The following MTERF4 variants were observed in gnomAD, a reference collection of about 807,000 sequenced individuals.
The protein encoded by MTERF4 is mitochondrial transcription termination factor 4.
A neutral mutation model predicts 22.5 loss-of-function variants in MTERF4; 17 were observed. The observed-to-expected ratio is 0.75, with a 90% CI of 0.52 to 1.13. MTERF4 has a LOEUF of 1.13. Among genes scored for constraint, MTERF4 ranks in the 50% most tolerant of loss-of-function variants. The pLI, the probability that MTERF4 is intolerant of heterozygous loss-of-function variation, is 0.00. For synonymous variants in MTERF4, 165 were observed against 175.3 expected, an observed-to-expected ratio of 0.94 and a Z score of 0.47; for missense variants, 420 against 466.8, an observed-to-expected ratio of 0.90 and a Z score of 0.92.
At position 241,095,781 on chromosome 2, in the gene MTERF4, C is replaced by T. The variant is rs750108647; in HGVS notation, c.*217G>A. 18 of 793,790 alleles carry T rather than the reference C, an allele frequency of 2.3e-5. No homozygotes were observed. Among genetic ancestry groups the T allele is most frequent in the Non-Finnish European group, 3.3e-5 (17 of 510,566 alleles). 49.2% of individuals were successfully genotyped at this position (793,790 alleles called of 1,614,324 possible). On this transcript the variant is annotated 3_prime_UTR_variant, in exon 4 of 4. Transcript: ENST00000391980. ...ATTCAGGATGGGACAGGGCCCTCCC[C>T]ACAGACACGTGACAACAGATCAAAC... is the stretch of plus-strand genomic sequence containing the variant.
At chr2:241,089,338 C>A (rs1175857781), downstream of MTERF4, 3 of 1,550,632 alleles carry the variant, frequency 1.9e-6, no homozygotes, top group Non-Finnish European at 2.6e-6. Flanking sequence ...CAAGCCACTT[C>A]AAAACAGGTC....
At chr2:241,076,893 C>T (rs1395692177) in intron 4 of MTERF4, among the ~76,000 whole-genome samples, 1 of 152,160 alleles carries the variant, frequency 6.6e-6, no homozygotes, top group East Asian at 1.9e-4. Context: ...AGATCGAGAC[C>T]ATGGTGAAAC....
the MTERF4 span, among the ~76,000 whole-genome samples, chr2:241,064,661 T>TGCTG: frequency 2.0e-5 from 3 of 152,254 alleles, no homozygotes; most frequent in African/African-American, 7.2e-5. The surrounding 1 kb of genome is among the most constrained non-coding windows in gnomAD (Gnocchi z 7.0). Context: ...GTGGAGGAGC[T>TGCTG]GCTGGGTTGG....
the MTERF4 span, chr2:241,063,914 G>A: frequency 9.3e-6 from 9 of 965,148 alleles, no homozygotes; most frequent in Admixed American, 4.3e-5. Context: ...CCTGGCCTCC[G>A]CCCCTAGACT....
chr2:241,052,690 C>G, the MTERF4 span, among the ~76,000 whole-genome samples: 20 of 982 alleles, frequency 0.02, no homozygotes, highest in East Asian at 0.057. Context: ...AGAGGGTCGG[C>G]GGGGGGGGGG....
chr2:241,076,334 T>C (rs2063018446), intron 4 of MTERF4, among the ~76,000 whole-genome samples: 1 of 152,220 alleles, frequency 6.6e-6, no homozygotes. Context: ...AAGTTTTATA[T>C]GGAATTCAGA....
At chr2:241,048,794 C>A in the MTERF4 span, 1 of 1,545,492 alleles carries the variant, frequency 6.5e-7, no homozygotes, top group East Asian at 2.3e-5. Context: ...CCTTCCTGCC[C>A]TGTCCCTGAG....
downstream of MTERF4, chr2:241,082,187 C>G (rs2063359964): frequency 1.0e-5 from 11 of 1,047,732 alleles, no homozygotes; most frequent in Non-Finnish European, 1.4e-5. Context: ...CTAAGGACCC[C>G]CGGGCCCTCT....
chr2:241,082,262 CCTT>C (rs764673147), downstream of MTERF4: 3 of 1,592,570 alleles, frequency 1.9e-6, no homozygotes, highest in South Asian at 2.2e-5. Context: ...GAGCCACTGC[CCTT>C]CTTTGTCGCA....
the MTERF4 span, chr2:241,053,355 A>C: frequency 6.5e-7 from 1 of 1,537,364 alleles, no homozygotes; most frequent in Non-Finnish European, 8.8e-7. Context: ...GGGGTGGGGC[A>C]GGTGGGGCCC....
chr2:241,099,980 C>A, intron 1 of MTERF4, 86 bp from the exon 2 acceptor site: 2 of 1,476,324 alleles, frequency 1.4e-6, no homozygotes, highest in Non-Finnish European at 1.8e-6. Context: ...AGAGTACTTA[C>A]TGCCTTGGTT....
chr2:241,088,241 C>G, downstream of MTERF4: 1 of 737,856 alleles, frequency 1.4e-6, no homozygotes, highest in Non-Finnish European at 2.5e-6. Flanking sequence ...TAATGGTGTC[C>G]CCCACCGTGG....
At chr2:241,062,951 G>A in the MTERF4 span, 1 of 1,258,350 alleles carries the variant, frequency 7.9e-7, no homozygotes, top group Non-Finnish European at 1.1e-6. Context: ...CAGCACACTG[G>A]CCATGTGCCT....
downstream of MTERF4, chr2:241,069,981 C>T: frequency 6.2e-7 from 1 of 1,613,032 alleles, no homozygotes; most frequent in Non-Finnish European, 8.5e-7. The surrounding 1 kb of genome is among the most constrained non-coding windows in gnomAD (Gnocchi z 4.9). Flanking sequence ...CCCACGTGGT[C>T]TGGGATGCCC....
the MTERF4 span, among the ~76,000 whole-genome samples, chr2:241,066,696 G>A: frequency 1.5e-3 from 228 of 152,320 alleles, 2 homozygotes; most frequent in African/African-American, 5.3e-3. Context: ...CCTGCGGGGC[G>A]GCCACGTGAG....
chr2:241,066,082 G>A, the MTERF4 span, among the ~76,000 whole-genome samples: 4 of 152,168 alleles, frequency 2.6e-5, no homozygotes, highest in Admixed American at 6.5e-5. Flanking sequence ...GGGAAGAGCC[G>A]TGGGGCAGGC....
the MTERF4 span, chr2:241,052,596 A>G: frequency 1.5e-6 from 1 of 674,726 alleles, no homozygotes; most frequent in African/African-American, 1.8e-5. Context: ...GGGGCCAAGC[A>G]GGATATATGG....
At chr2:241,097,467 A>T in intron 2 of MTERF4, 40 bp from the exon 3 acceptor site, 1 of 1,581,816 alleles carries the variant, frequency 6.3e-7, no homozygotes. Context: ...TAATTTCAGG[A>T]TACTCCAGAA....
the MTERF4 span, chr2:241,048,539 C>A: frequency 3.4e-6 from 5 of 1,489,810 alleles, no homozygotes; most frequent in Admixed American, 4.2e-5. Flanking sequence ...CGAAAAGAAA[C>A]GTGTGAGTGC....
Sources: allele counts gnomAD v4.1 joint callset (sites outside exome capture counted in the v4.1 genomes callset), GRCh38; gene constraint gnomAD v4.1.1; non-coding constraint Gnocchi (gnomAD v3.1); transcripts MANE v1.5; gene names NCBI Gene and HGNC (gene_info 2026-07-23, HGNC 2026-07-21).